The following COL9A2 variants were observed in gnomAD, a reference collection of about 807,000 sequenced individuals.
COL9A2 encodes collagen alpha-2(IX) chain.
A neutral mutation model predicts 111.6 loss-of-function variants in COL9A2; 66 were observed. The observed-to-expected ratio is 0.59, with a 90% confidence interval of 0.48 to 0.73. The LOEUF is 0.73. Ranked by LOEUF, COL9A2 falls within the 30% of genes least tolerant of loss-of-function variation. The pLI, the probability that COL9A2 is intolerant of heterozygous loss-of-function variation, is 0.00. For synonymous variants in COL9A2, 353 were observed against 364.1 expected (o/e 0.97, Z 0.35); for missense variants, 881 against 954.1 (o/e 0.92, Z 1.01).
chr1:40,312,839 C>G lies in COL9A2; in HGVS notation c.250-55G>C. The G allele has an allele frequency of 6.7e-7, 1 of 1,486,064 alleles. No individual in the cohort carries two copies. Among genetic ancestry groups the G allele is most frequent in the Non-Finnish European group, 9.2e-7 (1 of 1,089,352 alleles). 92.1% of individuals were successfully genotyped at this position (1,486,064 alleles called of 1,614,324 possible). A position where few individuals can be genotyped will look rare whatever the true frequency, so the allele number is the denominator to read the frequency against. On this transcript the variant is annotated intron_variant, in intron 4 of 31. Transcript: ENST00000372748. The surrounding 1 kb of genome is among the most constrained non-coding windows in gnomAD (Gnocchi z 6.0). The stretch of plus-strand genomic sequence containing the variant: ...GAGGGCCAACCTGCTCCCTGACCCA[C>G]AGAGCAGGGCAGGTTCAAGGGTCCC...
intron 2 of COL9A2, chr1:40,315,335 C>T: frequency 7.5e-7 from 1 of 1,338,900 alleles, no homozygotes; most frequent in Non-Finnish European, 9.6e-7. Context: ...TGAGGCCTCG[C>T]TGTGAGCTGC....
At chr1:40,306,367 G>A (rs564584658) in intron 19 of COL9A2, among the ~76,000 whole-genome samples, 180 bp from the exon 20 acceptor site, 1 of 152,340 alleles carries the variant, frequency 6.6e-6, no homozygotes, top group South Asian at 2.1e-4. Context: ...GAGGAGTGGG[G>A]CACAGAGAAT....
intron 31 of COL9A2, 113 bp from the exon 32 acceptor site, chr1:40,301,494 A>G (rs1160066001): frequency 3.2e-5 from 28 of 878,306 alleles, no homozygotes; most frequent in Non-Finnish European, 3.5e-5. Context: ...ACCATAGGAG[A>G]AAGGACTCTG....
Position 40,302,934 on chromosome 1 carries a change from T to C in COL9A2, c.1604-125A>G. 8.7e-7 allele frequency: 1 copy of C among 1,151,296 alleles called. No individual in the cohort carries two copies. The highest frequency in any genetic ancestry group is 2.0e-5 in the Admixed American group (1 of 49,176). 71.3% of individuals were successfully genotyped at this position (1,151,296 alleles called of 1,614,324 possible). A position where few individuals can be genotyped will look rare whatever the true frequency, so the allele number is the denominator to read the frequency against. On this transcript the variant is annotated intron_variant, in intron 29 of 31. Transcript: ENST00000372748. This position sits in a 1 kb window ranked among gnomAD's most constrained non-coding sequence, Gnocchi z 4.5. ...GGTTTGCAGACAGAAAAGCACCACC[T>C]TCCGTGGGCTCTGTTTTGCGGAAGT...
chr1:40,301,297 G>A lies in COL9A2; in HGVS notation c.1955C>T (p.Pro652Leu), dbSNP rs919105938. 13 of 1,612,716 alleles carry A rather than the reference G, an allele frequency of 8.1e-6. No homozygotes were observed. The highest frequency in any genetic ancestry group is 1.1e-5 in the Non-Finnish European group (13 of 1,179,314). Residue 652 changes from proline to leucine, a missense_variant, in exon 32 of 32, where the codon CCT becomes CTT. Coordinates refer to ENST00000372748, the MANE Select transcript of COL9A2 (RefSeq NM_001852.4). ...CAGCCCCACGGGGCCTGGCAGGCCA[G>A]GTCGACCTGCCTCTCCTGGAGCCCC... ...SPGAPGEAGR[P>L]GLPGPVGLPG...
Position 40,307,363 on chromosome 1 carries a change from G to T in COL9A2, c.1008+83C>A. On this transcript the variant is annotated intron_variant, in intron 19 of 31. Coordinates refer to ENST00000372748, the MANE Select transcript of COL9A2 (RefSeq NM_001852.4). The surrounding 1 kb of genome is among the most constrained non-coding windows in gnomAD (Gnocchi z 4.8). ...TAACAAGGCAAGAGGTGGTGATTGA[G>T]CAAGAGCCCCGGGTGTGTGTGGATT... 2 of 1,361,672 alleles carry T rather than the reference G, an allele frequency of 1.5e-6. No individual in the cohort carries two copies. The highest frequency in any genetic ancestry group is 2.1e-6 in the Non-Finnish European group (2 of 968,372). 84.3% of individuals were successfully genotyped at this position (1,361,672 alleles called of 1,614,324 possible).
rs902331747 is a variant in COL9A2, at chr1:40,302,614, C to G, written c.1792+7G>C. 1.3e-6 allele frequency: 2 copies of G among 1,596,280 alleles called. No homozygotes were observed. Among genetic ancestry groups the G allele is most frequent in the Admixed American group, 3.4e-5 (2 of 58,326 alleles). On this transcript the variant is annotated splice_region_variant and intron_variant, in intron 30 of 31. Coordinates refer to ENST00000372748, the MANE Select transcript of COL9A2 (RefSeq NM_001852.4). This position sits in a 1 kb window ranked among gnomAD's most constrained non-coding sequence, Gnocchi z 4.5. Reference sequence around the variant, plus strand: ...GGCCCCCATGCCCACCGCAGAGGAGCACTCACCCTTGGGCCCCGTGTTGCC... The same window carrying G: ...GGCCCCCATGCCCACCGCAGAGGAGGACTCACCCTTGGGCCCCGTGTTGCC...
Position 40,303,219 on chromosome 1 carries a change from G to A in COL9A2, c.1549-34C>T, listed in dbSNP as rs371602612. 11 of 1,594,096 alleles carry A rather than the reference G, an allele frequency of 6.9e-6. No individual in the cohort carries two copies. In the African/African-American group the frequency reaches 1.1e-4, roughly 16 times the overall value. On this transcript the variant is annotated intron_variant, in intron 28 of 31. Coordinates refer to ENST00000372748, the MANE Select transcript of COL9A2 (RefSeq NM_001852.4). The surrounding 1 kb of genome is among the most constrained non-coding windows in gnomAD (Gnocchi z 4.6). The stretch of plus-strand genomic sequence containing the variant: ...AGAGGCCTTTCAGGAAGAAGCCCCT[G>A]GCTACAAGGGCCCACCGCTCCTATC...
In COL9A2 at chr1:40,312,232, A is replaced by G. The variant is rs927788485; in HGVS notation, c.364-120T>C. The stretch of plus-strand genomic sequence containing the variant: ...TTTTACTTTTTTTTTTTTTTTGCCA[A>G]CCCCAGAGAGACTGACAGACTGAGG... On this transcript the variant is annotated intron_variant, in intron 7 of 31. Transcript: ENST00000372748. The surrounding 1 kb of genome is among the most constrained non-coding windows in gnomAD (Gnocchi z 6.0). The G allele has an allele frequency of 2.0e-6, 2 of 1,023,002 alleles. No individual in the cohort carries two copies. Among genetic ancestry groups the G allele is most frequent in the African/African-American group, 3.3e-5 (2 of 60,000 alleles). 63.4% of individuals were successfully genotyped at this position (1,023,002 alleles called of 1,614,324 possible). A position where few individuals can be genotyped will look rare whatever the true frequency, so the allele number is the denominator to read the frequency against.
rs1352331848 is a variant in COL9A2, at chr1:40,314,993, C to T, written c.150+597G>A. ...CAGGCATTTCAGAGCCCTCAGCAGC[C>T]AGGGCCTGGCCGGGGGCCCAGCATC... is the stretch of plus-strand genomic sequence containing the variant. On this transcript the variant is annotated intron_variant, in intron 2 of 31. Coordinates refer to ENST00000372748, the MANE Select transcript of COL9A2 (RefSeq NM_001852.4). The surrounding 1 kb of genome is among the most constrained non-coding windows in gnomAD (Gnocchi z 4.1). 6.6e-6 allele frequency among the ~76,000 whole-genome samples: 1 copy of T among 151,592 alleles called. No individual in the cohort carries two copies. Among genetic ancestry groups the T allele is most frequent in the Non-Finnish European group, 1.5e-5 (1 of 67,846 alleles).
chr1:40,317,204 C>G lies in COL9A2; in HGVS notation c.-7G>C, dbSNP rs768499491. On this transcript the variant is annotated 5_prime_UTR_variant, in exon 1 of 32. Transcript: ENST00000372748. The surrounding 1 kb of genome is among the most constrained non-coding windows in gnomAD (Gnocchi z 4.3). The stretch of plus-strand genomic sequence containing the variant: ...AGGCCGTAGCGGCGGCCATGGCTGG[C>G]GGCGAGACCAAGGGGGACGGGTGCG... 14 of 1,554,802 alleles carry G rather than the reference C, an allele frequency of 9.0e-6. No individual in the cohort carries two copies. Among genetic ancestry groups the G allele is most frequent in the Non-Finnish European group, 1.2e-5 (14 of 1,148,990 alleles).
At chr1:40,305,661 C>T (rs1291441878) in intron 21 of COL9A2, 54 bp downstream of exon 21, 2 of 1,548,574 alleles carry the variant, frequency 1.3e-6, no homozygotes, top group East Asian at 2.2e-5. Context: ...AGGGCTCCAC[C>T]CCATGGCCTC....
Position 40,307,614 on chromosome 1 carries a change from T to C in COL9A2, c.954+89A>G. 1 of 1,587,394 alleles carries C rather than the reference T, an allele frequency of 6.3e-7. No homozygotes were observed. The highest frequency in any genetic ancestry group is 8.6e-7 in the Non-Finnish European group (1 of 1,159,790). ...CCAGAGGCAAGAAAGGGCATGTCCA[T>C]GACCTGAGGACCCCAGGCTCTTGGT... On this transcript the variant is annotated intron_variant, in intron 18 of 31. Coordinates refer to ENST00000372748, the MANE Select transcript of COL9A2 (RefSeq NM_001852.4). This position sits in a 1 kb window ranked among gnomAD's most constrained non-coding sequence, Gnocchi z 4.8.
At chr1:40,315,726 G>T in intron 1 of COL9A2, 62 bp from the exon 2 acceptor site, 1 of 1,254,596 alleles carries the variant, frequency 8.0e-7, no homozygotes, top group Non-Finnish European at 1.1e-6. Flanking sequence ...GCGTCCCCGG[G>T]GCTGCAAGCG....
chr1:40,302,556 G>GA lies in COL9A2; in HGVS notation c.1792+64dup. 6.6e-7 allele frequency: 1 copy of GA among 1,525,684 alleles called. No homozygotes were observed. Among genetic ancestry groups the GA allele is most frequent in the East Asian group, 2.4e-5 (1 of 41,002 alleles). 94.5% of individuals were successfully genotyped at this position (1,525,684 alleles called of 1,614,324 possible). A position where few individuals can be genotyped will look rare whatever the true frequency, so the allele number is the denominator to read the frequency against. ...TATGTCATCCTGAGAAGGGAATGGG[G>GA]AAAGGGCCGGCCTGGACAAATCCTC... On this transcript the variant is annotated intron_variant, in intron 30 of 31. Coordinates refer to ENST00000372748, the MANE Select transcript of COL9A2 (RefSeq NM_001852.4). The surrounding 1 kb of genome is among the most constrained non-coding windows in gnomAD (Gnocchi z 4.5).
Position 40,301,338 on chromosome 1 carries a change from T to C in COL9A2, c.1914A>G (p.Gly638=). The C allele has an allele frequency of 6.2e-7, 1 of 1,609,980 alleles. No individual in the cohort carries two copies. The highest frequency in any genetic ancestry group is 8.5e-7 in the Non-Finnish European group (1 of 1,177,274). ...RPGQAINGKD[G]DRGSPGAPGE... Reference sequence around the variant, plus strand: ...CTGGAGCCCCTGGGGACCCTCGATCTCCATCCTTGCCGTTGATTGCCTGGC... The same window carrying C: ...CTGGAGCCCCTGGGGACCCTCGATCCCCATCCTTGCCGTTGATTGCCTGGC... The change falls in exon 32 of 32, where the codon GGA becomes GGG. Residue 638 remains glycine, a synonymous_variant. Transcript: ENST00000372748.
At chr1:40,309,502 T>G (rs2124079836) in intron 16 of COL9A2, among the ~76,000 whole-genome samples, 1 of 151,836 alleles carries the variant, frequency 6.6e-6, no homozygotes, top group East Asian at 1.9e-4. Context: ...ATGGCTGATT[T>G]GCTGGAATCT....
In COL9A2 at chr1:40,303,681, G is replaced by T; in HGVS notation, c.1402-5C>A. ...GGGTTCTCCACGTACTCCTTGCTGC[G>T]GGGGGATGGGGGTGGGAGCAGAGCC... On this transcript the variant is annotated splice_polypyrimidine_tract_variant and splice_region_variant and intron_variant, in intron 27 of 31. Coordinates refer to ENST00000372748, the MANE Select transcript of COL9A2 (RefSeq NM_001852.4). This position sits in a 1 kb window ranked among gnomAD's most constrained non-coding sequence, Gnocchi z 4.6. 1 of 1,555,174 alleles carries T rather than the reference G, an allele frequency of 6.4e-7. No individual in the cohort carries two copies. Among genetic ancestry groups the T allele is most frequent in the East Asian group, 2.4e-5 (1 of 41,358 alleles).
At chr1:40,304,146 G>T in intron 24 of COL9A2, 47 bp from the exon 25 acceptor site, 1 of 1,526,200 alleles carries the variant, frequency 6.6e-7, no homozygotes, top group South Asian at 1.2e-5. Flanking sequence ...CCCCCTCCAC[G>T]GGGTCCCCCA....
Sources: allele counts gnomAD v4.1 joint callset (sites outside exome capture counted in the v4.1 genomes callset), GRCh38; gene constraint gnomAD v4.1.1; non-coding constraint Gnocchi (gnomAD v3.1); transcripts MANE v1.5; gene names NCBI Gene and HGNC (gene_info 2026-07-23, HGNC 2026-07-21).